The following SLC44A5 variants were observed in gnomAD, a reference collection of about 807,000 sequenced individuals.
SLC44A5 encodes choline transporter-like protein 5.
In SLC44A5, 57 loss-of-function variants were observed where a neutral mutation model predicts 101.8. That is an observed-to-expected ratio of 0.56 (90% CI 0.45 to 0.70). The LOEUF is 0.70. SLC44A5 is among the 30% of genes least tolerant of loss of function. The pLI is 0.00. For synonymous variants in SLC44A5, 281 were observed against 290.9 expected, an observed-to-expected ratio of 0.97 and a Z score of 0.35; for missense variants, 737 against 853.1, an observed-to-expected ratio of 0.86 and a Z score of 1.70.
At chr1:75,720,675 C>T in the SLC44A5 span, among the ~76,000 whole-genome samples, 5 of 152,052 alleles carry the variant, frequency 3.3e-5, no homozygotes, top group Non-Finnish European at 7.4e-5. Context: ...TTATTCCGAG[C>T]CAAATATGAG....
Position 75,502,218 on chromosome 1 carries a change from T to TA in SLC44A5, c.13+39216dup, listed in dbSNP as rs375573854. On this transcript the variant is annotated intron_variant, in intron 2 of 23. Transcript: ENST00000370859. ...CTCACAGGCACGCACAACATGCACA[T>TA]ACACACACATGAAGCTTCTCTGAGT... 3.6e-3 allele frequency among the ~76,000 whole-genome samples: 543 copies of TA among 152,260 alleles called. 2 individuals are homozygous for TA. Among genetic ancestry groups the TA allele is most frequent in the African/African-American group, 0.013 (526 of 41,546 alleles).
At chr1:75,597,873 G>A (rs1008166098) in intron 1 of SLC44A5, among the ~76,000 whole-genome samples, 1 of 152,114 alleles carries the variant, frequency 6.6e-6, no homozygotes, top group African/African-American at 2.4e-5. Flanking sequence ...TCAGAATATA[G>A]ACACGGGCAA....
rs151127914 is a variant in SLC44A5 at position 75,284,030 on chromosome 1, T to C, written c.176-8988A>G. ...TGAATTTTAAGATTGTTTTTTCGAC[T>C]TCTGTGAAGAATAATGGTATTTTGA... On this transcript the variant is annotated intron_variant, in intron 5 of 23. Transcript: ENST00000370859. Among the ~76,000 whole-genome samples, 372 of 152,280 alleles carry C rather than the reference T, an allele frequency of 2.4e-3. 3 individuals carry two copies. Among genetic ancestry groups the C allele is most frequent in the African/African-American group, 8.3e-3 (343 of 41,558 alleles).
At chr1:75,334,546 T>C (rs1570704487) in intron 4 of SLC44A5, among the ~76,000 whole-genome samples, 1 of 152,176 alleles carries the variant, frequency 6.6e-6, no homozygotes, top group Non-Finnish European at 1.5e-5. Flanking sequence ...AGCAAGAATC[T>C]AGCACTATTG....
intron 9 of SLC44A5, among the ~76,000 whole-genome samples, chr1:75,240,300 G>A (rs574674170): frequency 6.6e-6 from 1 of 152,032 alleles, no homozygotes; most frequent in African/African-American, 2.4e-5. Flanking sequence ...GCTCTTTAAT[G>A]AACAAATTTT....
At chr1:75,469,900 GAAAAAA>G (rs1171157547) in intron 2 of SLC44A5, among the ~76,000 whole-genome samples, 27,164 of 80,174 alleles carry the variant, frequency 0.34, 2,326 homozygotes, top group South Asian at 0.39. Context: ...ACCTTGTGAA[GAAAAAA>G]AAAAAAAAAA....
intron 12 of SLC44A5, among the ~76,000 whole-genome samples, chr1:75,231,424 C>T (rs909948777): frequency 1.3e-5 from 2 of 152,172 alleles, no homozygotes; most frequent in Non-Finnish European, 2.9e-5. Context: ...CAAGAAGGCC[C>T]TTCAGACAGT....
At chr1:75,387,332 A>C (rs1388204407) in intron 3 of SLC44A5, among the ~76,000 whole-genome samples, 3 of 145,570 alleles carry the variant, frequency 2.1e-5, no homozygotes, top group Non-Finnish European at 4.5e-5. Flanking sequence ...GCTAATATCC[A>C]GAATCTACAA....
intron 5 of SLC44A5, among the ~76,000 whole-genome samples, chr1:75,279,512 A>G (rs664268): frequency 0.83 from 126,496 of 152,126 alleles, 52,881 homozygotes; most frequent in East Asian, 0.97. Flanking sequence ...CTACATTCCT[A>G]ACCATGGAAA....
At chr1:75,626,737 A>C in the SLC44A5 span, among the ~76,000 whole-genome samples, 4 of 152,092 alleles carry the variant, frequency 2.6e-5, no homozygotes, top group Non-Finnish European at 4.4e-5. Context: ...CTTCTCCTTG[A>C]AACTTAATTG....
At chr1:75,498,249 G>A (rs4598448) in intron 2 of SLC44A5, among the ~76,000 whole-genome samples, 20,278 of 152,010 alleles carry the variant, frequency 0.13, 1,482 homozygotes, top group African/African-American at 0.16. Context: ...TTTCCCAGTA[G>A]GTCAGATATA....
chr1:75,336,058 A>G (rs765954366), intron 4 of SLC44A5, among the ~76,000 whole-genome samples: 1 of 146,342 alleles, frequency 6.8e-6, no homozygotes, highest in African/African-American at 2.5e-5. Context: ...TGTGTGAGTA[A>G]TTAATGATGA....
At chr1:75,610,863 T>TAC (rs375669782) in intron 1 of SLC44A5, among the ~76,000 whole-genome samples, 177 bp downstream of exon 1, 39 of 151,544 alleles carry the variant, frequency 2.6e-4, no homozygotes, top group South Asian at 8.4e-4. Context: ...TCTATATATA[T>TAC]ACACACACAC....
intron 6 of SLC44A5, among the ~76,000 whole-genome samples, chr1:75,251,952 T>G (rs114672739): frequency 6.6e-6 from 1 of 152,144 alleles, no homozygotes; most frequent in Non-Finnish European, 1.5e-5. Context: ...AATTTTCTCA[T>G]CAGTAAAATG....
chr1:75,567,377 G>C (rs1438188646), intron 1 of SLC44A5, among the ~76,000 whole-genome samples: 1 of 152,086 alleles, frequency 6.6e-6, no homozygotes, highest in Non-Finnish European at 1.5e-5. Context: ...TAGCCAAACA[G>C]TAATATGCAA....
At chr1:75,643,366 A>G in the SLC44A5 span, among the ~76,000 whole-genome samples, 1 of 152,184 alleles carries the variant, frequency 6.6e-6, no homozygotes, top group African/African-American at 2.4e-5. Context: ...GTCTTTGGTT[A>G]TCTGGATATT....
rs1458948415 is a variant in SLC44A5, at chr1:75,310,229, T to G, written c.102-9544A>C. On this transcript the variant is annotated intron_variant, in intron 4 of 23. Transcript: ENST00000370859. ...ATTTGTTAAATACAACAGGAAGTGC[T>G]GCAGTTGGCAGTCCTGAGCTGGGGT... Among the ~76,000 whole-genome samples, 5 of 152,344 alleles carry G rather than the reference T, an allele frequency of 3.3e-5. No homozygotes were observed. The East Asian group carries it at 7.7e-4, about 24-fold the overall frequency.
chr1:75,497,251 A>G (rs1470327436), intron 2 of SLC44A5, among the ~76,000 whole-genome samples: 1 of 152,084 alleles, frequency 6.6e-6, no homozygotes, highest in African/African-American at 2.4e-5. Context: ...CTATAGACTG[A>G]TGAATGGGAA....
the SLC44A5 span, among the ~76,000 whole-genome samples, chr1:75,670,943 G>A: frequency 9.9e-5 from 15 of 152,160 alleles, no homozygotes; most frequent in East Asian, 1.9e-4. Flanking sequence ...AGAAATGACC[G>A]TCATGAAGAA....
Sources: gnomAD v4.1 joint callset for allele counts (sites outside exome capture counted in the v4.1 genomes callset) on GRCh38, gnomAD v4.1.1 for gene constraint, MANE v1.5 for transcripts, NCBI Gene and HGNC (gene_info 2026-07-23, HGNC 2026-07-21) for gene names.